PDLIM5: variants seen among roughly 807,000 people sequenced by gnomAD.
PDLIM5 encodes the protein PDZ and LIM domain protein 5.
A neutral mutation model predicts 64.2 loss-of-function variants in PDLIM5; 34 were observed. The observed-to-expected ratio is 0.53, with a 90% confidence interval of 0.40 to 0.71. The LOEUF (loss-of-function observed/expected upper bound fraction) is 0.71. Ranked by LOEUF, PDLIM5 falls within the 30% of genes least tolerant of loss-of-function variation. The pLI is 0.00. For synonymous variants in PDLIM5, 253 were observed against 269.1 expected, an observed-to-expected ratio of 0.94 and a Z score of 0.59; for missense variants, 683 against 733.6, an observed-to-expected ratio of 0.93 and a Z score of 0.80.
At chr4:94,582,469 C>T in intron 5 of PDLIM5, 1 of 392,948 alleles carries the variant, frequency 2.5e-6, no homozygotes, top group Non-Finnish European at 4.5e-6. Context: ...AAACTGTTGT[C>T]TTGATTATAA....
chr4:94,568,144 C>A (rs2452596), intron 3 of PDLIM5, among the ~76,000 whole-genome samples: 151,898 of 152,366 alleles, frequency 1, 75,716 homozygotes, highest in East Asian at 1. Flanking sequence ...GTATAATAAA[C>A]ACCTTAACAT....
rs1408172079 is a variant in PDLIM5, at chr4:94,529,136, G to A, written c.248+5261G>A. 5.3e-5 allele frequency among the ~76,000 whole-genome samples: 8 copies of A among 152,300 alleles called. No individual in the cohort carries two copies. The South Asian group carries it at 6.2e-4, about 12-fold the overall frequency. The stretch of plus-strand genomic sequence containing the variant: ...TTTCCAGGGCCTATGAAAACATTGC[G>A]AGAAAGCTCCGGAAAGTTATAGCTG... On this transcript the variant is annotated intron_variant, in intron 3 of 12. Coordinates refer to ENST00000317968, the MANE Select transcript of PDLIM5 (RefSeq NM_006457.5).
intron 7 of PDLIM5, among the ~76,000 whole-genome samples, chr4:94,613,084 CCAG>C (rs1738507031): frequency 6.6e-6 from 1 of 151,860 alleles, no homozygotes; most frequent in South Asian, 2.1e-4. Context: ...CTCTACATGT[CCAG>C]GTCTTTTAAA....
intron 2 of PDLIM5, among the ~76,000 whole-genome samples, chr4:94,467,089 T>G (rs1014826607): frequency 6.6e-6 from 1 of 152,214 alleles, no homozygotes; most frequent in South Asian, 2.1e-4. Flanking sequence ...AGTTTAAGTA[T>G]AATGAATAGT....
intron 7 of PDLIM5, among the ~76,000 whole-genome samples, chr4:94,605,324 G>C (rs935716621): frequency 6.6e-6 from 1 of 152,148 alleles, no homozygotes; most frequent in Non-Finnish European, 1.5e-5. Flanking sequence ...TGTTCACAAG[G>C]GTCCGTAATG....
intron 2 of PDLIM5, among the ~76,000 whole-genome samples, chr4:94,475,989 A>T (rs908401165): frequency 6.6e-6 from 1 of 152,290 alleles, no homozygotes; most frequent in East Asian, 1.9e-4. Context: ...AAACACACAC[A>T]ATCACTGTAA....
In PDLIM5 at chr4:94,501,081, C is replaced by CT. The variant is rs11336334; in HGVS notation, c.97-22628dup. The stretch of plus-strand genomic sequence containing the variant: ...ACAGGTGTGAGCCACTATACCTGGC[C>CT]TTTTTTTTTTTTTTTCTCAGACAAG... On this transcript the variant is annotated intron_variant, in intron 2 of 12. Coordinates refer to ENST00000317968, the MANE Select transcript of PDLIM5 (RefSeq NM_006457.5). Among the ~76,000 whole-genome samples the CT allele has an allele frequency of 9.3e-4, 127 of 136,994 alleles. 1 individual carries two copies. The highest frequency in any genetic ancestry group is 3.8e-3 in the East Asian group (18 of 4,700). The allele number at this position is 136,994 out of a possible 152,430, so 89.9% of individuals were successfully genotyped here. A position where few individuals can be genotyped will look rare whatever the true frequency, so the allele number is the denominator to read the frequency against.
At chr4:94,617,915 G>T (rs976012656) in intron 7 of PDLIM5, 89 bp from the exon 8 acceptor site, 5 of 649,210 alleles carry the variant, frequency 7.7e-6, no homozygotes, top group Non-Finnish European at 7.4e-6. Context: ...AATGGATTTT[G>T]ATTGATTAAT....
chr4:94,660,040 C>T (rs965805635), intron 11 of PDLIM5, among the ~76,000 whole-genome samples: 3 of 151,464 alleles, frequency 2.0e-5, no homozygotes, highest in African/African-American at 7.3e-5. Context: ...GGATTACAGG[C>T]ACCTGTCACC....
chr4:94,481,581 A>T (rs1186591219), intron 2 of PDLIM5, among the ~76,000 whole-genome samples: 1 of 150,532 alleles, frequency 6.6e-6, no homozygotes, highest in Admixed American at 6.6e-5. Context: ...GCTGCCAGCC[A>T]TTATTCCAGT....
At chr4:94,529,635 C>T (rs1173693787) in intron 3 of PDLIM5, among the ~76,000 whole-genome samples, 1 of 152,046 alleles carries the variant, frequency 6.6e-6, no homozygotes, top group Non-Finnish European at 1.5e-5. Context: ...ATAAAGCAAA[C>T]ACATTTTCTT....
At chr4:94,634,559 A>T (rs921082145) in intron 8 of PDLIM5, among the ~76,000 whole-genome samples, 1 of 152,174 alleles carries the variant, frequency 6.6e-6, no homozygotes, top group African/African-American at 2.4e-5. Context: ...TTTTTTTCGC[A>T]TAGTGTATGT....
At chr4:94,638,487 T>G (rs547273870) in intron 8 of PDLIM5, among the ~76,000 whole-genome samples, 2 of 152,238 alleles carry the variant, frequency 1.3e-5, no homozygotes, top group Non-Finnish European at 2.9e-5. Flanking sequence ...TCTGGATCTG[T>G]AATTGCACAT....
intron 3 of PDLIM5, among the ~76,000 whole-genome samples, chr4:94,531,136 G>T (rs1050492185): frequency 6.6e-6 from 1 of 151,196 alleles, no homozygotes. Flanking sequence ...GGTATTTCAC[G>T]TACTTTTCTA....
At chr4:94,545,532 G>A (rs1043916877) in intron 3 of PDLIM5, among the ~76,000 whole-genome samples, 2 of 152,178 alleles carry the variant, frequency 1.3e-5, no homozygotes, top group East Asian at 1.9e-4. Context: ...CACAACATCA[G>A]ATTATTGTAC....
intron 7 of PDLIM5, chr4:94,587,401 G>A: frequency 9.3e-7 from 1 of 1,079,076 alleles, no homozygotes; most frequent in Non-Finnish European, 1.1e-6. Flanking sequence ...GTTGAATTTG[G>A]TTAGTTGGTT....
chr4:94,463,819 G>T (rs1047204095), intron 2 of PDLIM5, among the ~76,000 whole-genome samples: 1 of 152,180 alleles, frequency 6.6e-6, no homozygotes, highest in Non-Finnish European at 1.5e-5. Context: ...ACTATGGTCC[G>T]AGGAATGGCA....
intron 2 of PDLIM5, chr4:94,455,865 C>G (rs1723300146): frequency 2.9e-6 from 4 of 1,380,452 alleles, no homozygotes; most frequent in Non-Finnish European, 4.0e-6. Flanking sequence ...TGGCCAAAAG[C>G]TACTTACCCT....
intron 2 of PDLIM5, among the ~76,000 whole-genome samples, chr4:94,509,837 GA>G (rs1187037046): frequency 6.7e-6 from 1 of 149,346 alleles, no homozygotes; most frequent in Non-Finnish European, 1.5e-5. Flanking sequence ...GTTGGCAGCT[GA>G]TTAGATGGTG....
Sources: allele counts gnomAD v4.1 joint callset (sites outside exome capture counted in the v4.1 genomes callset), GRCh38; gene constraint gnomAD v4.1.1; transcripts MANE v1.5; gene names NCBI Gene and HGNC (gene_info 2026-07-23, HGNC 2026-07-21).